Variants in CORO7 observed in about 807,000 individuals in gnomAD.
CORO7 encodes coronin 7, also known as coronin-7.
CORO7 carries 107 observed loss-of-function variants against 126.6 expected under a neutral mutation model. That is an observed-to-expected ratio of 0.85 (90% confidence interval 0.72 to 0.99). The LOEUF is 0.99. Among genes scored for constraint, CORO7 ranks in the 50% least tolerant of loss-of-function variants. The probability of loss-of-function intolerance (pLI) is 0.00; values close to 1 mark genes in which losing one functional copy is unlikely to be tolerated. For synonymous variants in CORO7, 603 were observed against 536.8 expected (o/e 1.12, Z -1.70); for missense variants, 1,314 against 1,255.8 (o/e 1.05, Z -0.70).
chr16:4,416,551 G>C lies in CORO7; in HGVS notation c.-33C>G. The C allele has an allele frequency of 6.4e-7, 1 of 1,570,122 alleles. No homozygotes were observed. The highest frequency in any genetic ancestry group is 1.2e-5 in the South Asian group (1 of 86,846). ...GGCACGGCGGCGGACGCGTCTTCGA[G>C]GACCCCGGGCGTCGGGTCTCAGGTG... On this transcript the variant is annotated 5_prime_UTR_variant, in exon 1 of 28. Transcript: ENST00000251166.
At position 4,355,137 on chromosome 16, in the gene CORO7, T is replaced by G; in HGVS notation, c.*21A>C. On this transcript the variant is annotated 3_prime_UTR_variant, in exon 28 of 28. Coordinates refer to ENST00000251166, the MANE Select transcript of CORO7 (RefSeq NM_024535.5). ...CTAGGAAGTGGCAGCACAGGTGAGG[T>G]GGAGGTGACGGGGGCGCAGGCTAGT... 6.7e-7 allele frequency: 1 copy of G among 1,492,216 alleles called. No individual in the cohort carries two copies. The highest frequency in any genetic ancestry group is 2.4e-4 in the Middle Eastern group (1 of 4,088). 92.4% of individuals were successfully genotyped at this position (1,492,216 alleles called of 1,614,324 possible).
intron 3 of CORO7, among the ~76,000 whole-genome samples, chr16:4,411,532 T>A (rs1351443573): frequency 6.6e-6 from 1 of 152,152 alleles, no homozygotes; most frequent in African/African-American, 2.4e-5. Context: ...CAAGACCTCG[T>A]CTCTATATAC....
intron 9 of CORO7, among the ~76,000 whole-genome samples, chr16:4,367,875 A>G (rs1270805282): frequency 1.3e-5 from 2 of 151,914 alleles, no homozygotes; most frequent in Admixed American, 6.6e-5. Context: ...TGGACGAGCA[A>G]TGAAAAGGTG....
At chr16:4,395,267 C>A in intron 7 of CORO7, 22 bp downstream of exon 7, 1 of 1,613,978 alleles carries the variant, frequency 6.2e-7, no homozygotes, top group South Asian at 1.1e-5. Flanking sequence ...TCAACCCACC[C>A]CAGCTTGCCC....
intron 7 of CORO7, among the ~76,000 whole-genome samples, chr16:4,391,243 T>C (rs2055378418): frequency 6.6e-6 from 1 of 151,478 alleles, no homozygotes; most frequent in African/African-American, 2.4e-5. Flanking sequence ...GGCCACAAAC[T>C]GAAAACTTCT....
intron 26 of CORO7, 198 bp from the exon 27 acceptor site, chr16:4,355,570 A>G (rs1266826134): frequency 1.2e-5 from 7 of 594,880 alleles, no homozygotes. Context: ...CCGGGTTTAC[A>G]CCACTGTCCT....
At chr16:4,395,782 C>T (rs1422435913) in intron 6 of CORO7, among the ~76,000 whole-genome samples, 4 of 152,216 alleles carry the variant, frequency 2.6e-5, no homozygotes, top group Admixed American at 6.5e-5. Flanking sequence ...TGGAGAGGCT[C>T]ATATGACGAC....
intron 6 of CORO7, among the ~76,000 whole-genome samples, chr16:4,397,043 G>T (rs1014582617): frequency 6.8e-6 from 1 of 146,046 alleles, no homozygotes; most frequent in African/African-American, 2.5e-5. Flanking sequence ...AAGAAAGAAA[G>T]AAAAACAACA....
chr16:4,382,910 G>A, intron 9 of CORO7: 1 of 1,492,162 alleles, frequency 6.7e-7, no homozygotes, highest in Middle Eastern at 1.8e-4. Context: ...GCCAGAGAGA[G>A]ACAGGGCAGC....
In CORO7 at chr16:4,390,925, TG is replaced by T. The variant is rs568431585; in HGVS notation, c.616-2295del. Among the ~76,000 whole-genome samples the T allele has an allele frequency of 7.4e-4, 113 of 152,342 alleles. 1 individual carries two copies. Among genetic ancestry groups the T allele is most frequent in the Admixed American group, 5.8e-3 (88 of 15,304 alleles). ...AACGCTCTGCTTCCAGCAAACATCC[TG>T]GGCCAGCTCTTGCTCCCTGGAGCAT... On this transcript the variant is annotated intron_variant, in intron 7 of 27. Coordinates refer to ENST00000251166, the MANE Select transcript of CORO7 (RefSeq NM_024535.5).
At position 4,361,012 on chromosome 16, in the gene CORO7, G is replaced by T. The variant is rs755370653; in HGVS notation, c.1848C>A (p.Asp616Glu). Reference protein sequence around the residue: ...AANVLASSSYDLTVRIWDLQA... With the variant: ...AANVLASSSYELTVRIWDLQA... ...GAAGGTCCCAGATGCGAACAGTGAG[G>T]TCATAGGAGGACGAGGCCAGCACAT... The change falls in exon 19 of 28, where the codon GAC becomes GAA. Residue 616 changes from aspartate to glutamate, a missense_variant. Transcript: ENST00000251166. The T allele has an allele frequency of 1.2e-6, 2 of 1,613,264 alleles. No individual in the cohort carries two copies. The highest frequency in any genetic ancestry group is 1.7e-6 in the Non-Finnish European group (2 of 1,180,010).
chr16:4,371,445 G>A (rs1010173579), intron 9 of CORO7, among the ~76,000 whole-genome samples: 1 of 152,152 alleles, frequency 6.6e-6, no homozygotes, highest in Non-Finnish European at 1.5e-5. Context: ...TAGCTGGCCC[G>A]GGCTGGTCAT....
chr16:4,359,731 T>C, intron 21 of CORO7, 110 bp from the exon 22 acceptor site: 1 of 1,398,162 alleles, frequency 7.2e-7, no homozygotes, highest in Non-Finnish European at 9.5e-7. Flanking sequence ...AGGCGAGGCC[T>C]AGTGTGGCCC....
intron 7 of CORO7, among the ~76,000 whole-genome samples, chr16:4,391,133 TGA>T (rs1156336264): frequency 6.6e-6 from 1 of 152,028 alleles, no homozygotes. Flanking sequence ...GTATCAAAAA[TGA>T]GAGGTGGGCT....
intron 1 of CORO7, chr16:4,415,701 C>G (rs945594488): frequency 1.0e-6 from 1 of 978,508 alleles, no homozygotes; most frequent in South Asian, 4.7e-5. Context: ...TCGGAGGACA[C>G]TCCCAGGCCT....
At chr16:4,410,736 A>G (rs1365506791) in intron 3 of CORO7, among the ~76,000 whole-genome samples, 1 of 152,178 alleles carries the variant, frequency 6.6e-6, no homozygotes, top group Non-Finnish European at 1.5e-5. Context: ...GAGGCCAGTA[A>G]ACGTCTCCTG....
At position 4,360,474 on chromosome 16, in the gene CORO7, G is replaced by C. The variant is rs375394342; in HGVS notation, c.1992C>G (p.Tyr664Ter). Reference protein sequence around the residue: ...TVCKDGRVRVYRPRSGPEPLQ... With the variant: ...TVCKDGRVRV ...GGGGCTCAGGGCCACTCCGGGGCCT[G>C]TAGACCCGCACACGCCCATCCTTGC... Residue 664 changes from tyrosine to a stop codon, truncating the protein, a stop_gained, in exon 20 of 28, where the codon TAC (tyrosine) becomes TAG (stop). Transcript: ENST00000251166. LOFTEE classifies it high-confidence loss of function. The C allele has an allele frequency of 1.7e-5, 27 of 1,612,312 alleles. No homozygotes were observed. The highest frequency in any genetic ancestry group is 1.9e-5 in the Non-Finnish European group (23 of 1,179,700).
At chr16:4,412,511 T>G in intron 2 of CORO7, 81 bp from the exon 3 acceptor site, 1 of 1,481,998 alleles carries the variant, frequency 6.7e-7, no homozygotes, top group Non-Finnish European at 9.4e-7. Flanking sequence ...AGAGATGAAA[T>G]CCAGCAGCTC....
chr16:4,404,166 C>T lies in CORO7; in HGVS notation c.564+1325G>A, dbSNP rs558902819. Among the ~76,000 whole-genome samples, 78 of 152,330 alleles carry T rather than the reference C, an allele frequency of 5.1e-4. 1 individual carries two copies. The highest frequency in any genetic ancestry group is 8.5e-4 in the Non-Finnish European group (58 of 68,010). ...CCTCCAAGTATGCAGAGCCCTGGGGCGGAATGCTCAGGTCTGGTAGGCCTC... is the reference window on the plus strand; with the variant it reads ...CCTCCAAGTATGCAGAGCCCTGGGGTGGAATGCTCAGGTCTGGTAGGCCTC... On this transcript the variant is annotated intron_variant, in intron 6 of 27. Coordinates refer to ENST00000251166, the MANE Select transcript of CORO7 (RefSeq NM_024535.5).
Sources: allele counts gnomAD v4.1 joint callset (sites outside exome capture counted in the v4.1 genomes callset), GRCh38; gene constraint gnomAD v4.1.1; transcripts MANE v1.5; gene names NCBI Gene and HGNC (gene_info 2026-07-23, HGNC 2026-07-21).